DDAH1: variants seen among roughly 807,000 people sequenced by gnomAD.
DDAH1 encodes the protein N(G),N(G)-dimethylarginine dimethylaminohydrolase 1.
In DDAH1, 19 loss-of-function variants were observed where a neutral mutation model predicts 28.8. That is an observed-to-expected ratio of 0.66 (90% CI 0.46 to 0.97). The LOEUF is 0.97. Ranked by LOEUF, DDAH1 falls within the 50% of genes least tolerant of loss-of-function variation. The probability of loss-of-function intolerance (pLI) is 0.00; values close to 1 mark genes in which losing one functional copy is unlikely to be tolerated. For synonymous variants in DDAH1, 153 were observed against 154.4 expected (o/e 0.99, Z 0.07); for missense variants, 326 against 375.9 (o/e 0.87, Z 1.10).
intron 2 of DDAH1, chr1:85,493,709 A>T (rs1313352171): frequency 2.6e-5 from 4 of 152,220 alleles, no homozygotes; most frequent in Non-Finnish European, 5.9e-5. Context: ...TTAGTTAAGC[A>T]TGTGCCTGGA....
chr1:85,423,739 A>G (rs555378211), intron 1 of DDAH1, among the ~76,000 whole-genome samples: 1 of 152,258 alleles, frequency 6.6e-6, no homozygotes, highest in African/African-American at 2.4e-5. Flanking sequence ...CATGCAAAAA[A>G]TAGCTTAATT....
At chr1:85,487,682 T>C (rs1255088995) in intron 2 of DDAH1, among the ~76,000 whole-genome samples, 1 of 152,186 alleles carries the variant, frequency 6.6e-6, no homozygotes, top group African/African-American at 2.4e-5. Context: ...TATACAGCAA[T>C]GTCTCCTTTC....
rs543098499 is a variant in DDAH1 at position 85,506,622 on chromosome 1, C to T, written c.-122-10341G>A. Among the ~76,000 whole-genome samples the T allele has an allele frequency of 3.3e-5, 5 of 152,262 alleles. No individual in the cohort carries two copies. In the East Asian group the frequency reaches 9.6e-4, roughly 29 times the overall value. ...TCTATGCGGGCATTTGAGTTTGTGA[C>T]CTAGGTAGAGCTTAGGCTATGAGGC... On this transcript the variant is annotated intron_variant, in intron 1 of 6. Transcript: ENST00000426972.
intron 1 of DDAH1, among the ~76,000 whole-genome samples, chr1:85,437,882 C>T (rs535478960): frequency 3.2e-4 from 49 of 152,240 alleles, no homozygotes; most frequent in African/African-American, 9.9e-4. Flanking sequence ...ATCTAACAGA[C>T]GGCAATTTGG....
chr1:85,478,461 G>A (rs1383604570), intron 2 of DDAH1, among the ~76,000 whole-genome samples: 2 of 152,186 alleles, frequency 1.3e-5, no homozygotes, highest in Non-Finnish European at 2.9e-5. Context: ...GGTGAAGGAG[G>A]AGCAAAGTTA....
At chr1:85,372,983 A>G (rs199810398) in intron 1 of DDAH1, among the ~76,000 whole-genome samples, 2 of 64,900 alleles carry the variant, frequency 3.1e-5, no homozygotes, top group African/African-American at 1.0e-4. Context: ...AAAAACCACT[A>G]TTAGTTTAAT....
At chr1:85,415,933 A>G (rs527298896) in intron 1 of DDAH1, among the ~76,000 whole-genome samples, 35 of 152,318 alleles carry the variant, frequency 2.3e-4, no homozygotes, top group African/African-American at 8.4e-4. Flanking sequence ...TGTCAGCTAC[A>G]TTTTAAAATG....
At chr1:85,544,869 CA>C (rs1278864229) in intron 1 of DDAH1, among the ~76,000 whole-genome samples, 1 of 152,092 alleles carries the variant, frequency 6.6e-6, no homozygotes, top group African/African-American at 2.4e-5. Context: ...TTAAAATTCC[CA>C]AAGGGCCTAT....
intron 1 of DDAH1, among the ~76,000 whole-genome samples, chr1:85,443,388 C>G (rs650929): frequency 6.6e-6 from 1 of 152,026 alleles, no homozygotes; most frequent in Admixed American, 6.5e-5. Context: ...TGGTCTATAT[C>G]TCTGTTTTGG....
intron 4 of DDAH1, among the ~76,000 whole-genome samples, chr1:85,333,970 C>A (rs1248564599): frequency 6.6e-6 from 1 of 152,154 alleles, no homozygotes; most frequent in Non-Finnish European, 1.5e-5. Flanking sequence ...AAAATCTTTT[C>A]CCCAGCATAT....
chr1:85,428,549 G>A (rs1653520771), intron 1 of DDAH1, among the ~76,000 whole-genome samples: 2 of 152,128 alleles, frequency 1.3e-5, no homozygotes, highest in Admixed American at 1.3e-4. Flanking sequence ...ATGAGATTTG[G>A]GTGGGGACAC....
intron 2 of DDAH1, chr1:85,495,810 TG>T (rs958969988): frequency 6.6e-6 from 1 of 152,210 alleles, no homozygotes; most frequent in African/African-American, 2.4e-5. Flanking sequence ...CAGAGCTGGC[TG>T]GGAACCAAGG....
intron 1 of DDAH1, among the ~76,000 whole-genome samples, chr1:85,408,421 C>T (rs956823787): frequency 2.0e-5 from 3 of 152,154 alleles, no homozygotes. Flanking sequence ...TGGAGCATTT[C>T]CATGATTAAA....
chr1:85,536,247 A>T (rs1211202125), intron 1 of DDAH1, among the ~76,000 whole-genome samples: 1 of 151,910 alleles, frequency 6.6e-6, no homozygotes. Flanking sequence ...AAATAAAAAT[A>T]AAAAAATAAT....
At chr1:85,516,904 A>G (rs1243232115) in intron 1 of DDAH1, among the ~76,000 whole-genome samples, 4 of 152,348 alleles carry the variant, frequency 2.6e-5, no homozygotes, top group African/African-American at 7.2e-5. Flanking sequence ...AGCATTGCTT[A>G]CAAATAACTT....
intron 1 of DDAH1, among the ~76,000 whole-genome samples, chr1:85,451,446 C>A (rs1180228363): frequency 6.6e-6 from 1 of 152,188 alleles, no homozygotes; most frequent in Non-Finnish European, 1.5e-5. Flanking sequence ...TTCACCATAA[C>A]AATGCTATAG....
intron 2 of DDAH1, among the ~76,000 whole-genome samples, chr1:85,489,584 A>T (rs1656317721): frequency 6.6e-6 from 1 of 152,124 alleles, no homozygotes; most frequent in Non-Finnish European, 1.5e-5. Flanking sequence ...TGGTGGTTTC[A>T]AGGAGTATTT....
chr1:85,490,567 A>T (rs1656359017), intron 2 of DDAH1, among the ~76,000 whole-genome samples: 1 of 152,208 alleles, frequency 6.6e-6, no homozygotes, highest in South Asian at 2.1e-4. Flanking sequence ...CCACTCCCCC[A>T]AGCCCATGCT....
chr1:85,428,292 C>T (rs561004709), intron 1 of DDAH1, among the ~76,000 whole-genome samples: 1 of 152,312 alleles, frequency 6.6e-6, no homozygotes, highest in East Asian at 1.9e-4. Context: ...AATGGACTCA[C>T]AGTTCCACAT....
Sources: gnomAD v4.1 joint callset for allele counts (sites outside exome capture counted in the v4.1 genomes callset) on GRCh38, gnomAD v4.1.1 for gene constraint, MANE v1.5 for transcripts, NCBI Gene and HGNC (gene_info 2026-07-23, HGNC 2026-07-21) for gene names.